PPP3CA: variants seen among roughly 807,000 people sequenced by gnomAD.
PPP3CA encodes the protein protein phosphatase 3 catalytic subunit alpha, also known as CAM-PRP catalytic subunit.
PPP3CA carries 14 observed loss-of-function variants against 66.5 expected under a neutral mutation model. That is an observed-to-expected ratio of 0.21 (90% CI 0.14 to 0.33). The LOEUF is 0.33. Ranked by LOEUF, PPP3CA falls within the 10% of genes least tolerant of loss-of-function variation. The probability of loss-of-function intolerance (pLI) is 1.00; values close to 1 mark genes in which losing one functional copy is unlikely to be tolerated. For synonymous variants in PPP3CA, 232 were observed against 226.2 expected, an observed-to-expected ratio of 1.03 and a Z score of -0.23; for missense variants, 317 against 639.5, an observed-to-expected ratio of 0.50 and a Z score of 5.44.
chr4:101,093,903 T>C lies in PPP3CA; in HGVS notation c.655A>G (p.Lys219Glu). 6.2e-7 allele frequency: 1 copy of C among 1,605,490 alleles called. No homozygotes were observed. The highest frequency in any genetic ancestry group is 8.5e-7 in the Non-Finnish European group (1 of 1,176,960). ...ATAGGTCCATATGCAGGTGGTTCTTTGAATCGGTCTAACTAAGAAAAATAG... is the reference window on the plus strand; with the variant it reads ...ATAGGTCCATATGCAGGTGGTTCTTCGAATCGGTCTAACTAAGAAAAATAG... ...LDDIRKLDRF[K>E]EPPAYGPMCD... The change falls in exon 6 of 14, where the codon AAA (lysine) becomes GAA (glutamate). Residue 219 changes from lysine to glutamate, a missense_variant. By Grantham distance (56) the Lys-to-Glu change is moderately conservative. Around this residue, in one of 3 missense-constraint regions of PPP3CA, gnomAD observed 201 missense variants for 501.4 expected, o/e 0.40. Transcript: ENST00000394854.
chr4:101,110,966 A>C (rs1246637825), intron 2 of PPP3CA, among the ~76,000 whole-genome samples: 1 of 152,156 alleles, frequency 6.6e-6, no homozygotes, highest in African/African-American at 2.4e-5. Context: ...ATATGAGCAT[A>C]ATAATTTTAA....
At chr4:101,197,651 T>TA (rs1295883348) in intron 1 of PPP3CA, among the ~76,000 whole-genome samples, 1 of 152,238 alleles carries the variant, frequency 6.6e-6, no homozygotes, top group Admixed American at 6.5e-5. Context: ...ATAGAGTATT[T>TA]ATTTTATGCC....
At chr4:101,106,500 G>GAAAAGAAAAGAAAAGA (rs199877919) in intron 3 of PPP3CA, among the ~76,000 whole-genome samples, 1 of 75,612 alleles carries the variant, frequency 1.3e-5, no homozygotes, top group East Asian at 4.6e-4. Context: ...GAAAAGAAAA[G>GAAAAGAAAAGAAAAGA]AAAGAAAGAA....
chr4:101,210,618 A>C (rs759059000), intron 1 of PPP3CA, among the ~76,000 whole-genome samples: 1 of 152,170 alleles, frequency 6.6e-6, no homozygotes, highest in Non-Finnish European at 1.5e-5. Context: ...CTATTCAAAT[A>C]GCACAACTTC....
At chr4:101,106,440 A>AG (rs1291766026) in intron 3 of PPP3CA, among the ~76,000 whole-genome samples, 1 of 13,498 alleles carries the variant, frequency 7.4e-5, no homozygotes, top group African/African-American at 2.9e-4. Context: ...AAAGAAAGAA[A>AG]GAAAGAAAGA....
chr4:101,271,055 T>C (rs1241389737), intron 1 of PPP3CA, among the ~76,000 whole-genome samples: 2 of 152,040 alleles, frequency 1.3e-5, no homozygotes, highest in African/African-American at 4.8e-5. Flanking sequence ...ACTTCATCTA[T>C]GTTCACCTCC....
chr4:101,212,128 C>T (rs750602741), intron 1 of PPP3CA, among the ~76,000 whole-genome samples: 13 of 152,144 alleles, frequency 8.5e-5, no homozygotes, highest in Non-Finnish European at 1.8e-4. Context: ...TGAATTCCCA[C>T]AGGATTTCTT....
chr4:101,304,903 G>A lies in PPP3CA; in HGVS notation c.58+41836C>T, dbSNP rs565376372. On this transcript the variant is annotated intron_variant, in intron 1 of 13. Coordinates refer to ENST00000394854, the MANE Select transcript of PPP3CA (RefSeq NM_000944.5). Reference sequence around the variant, plus strand: ...TATACGAGACTAACTAAACAGGCCAGTCAGTCTGGCCCAATTTAAGGAAAA... The same window carrying A: ...TATACGAGACTAACTAAACAGGCCAATCAGTCTGGCCCAATTTAAGGAAAA... Among the ~76,000 whole-genome samples the A allele has an allele frequency of 1.8e-3, 275 of 152,326 alleles. 1 individual carries two copies. Among genetic ancestry groups the A allele is most frequent in the African/African-American group, 6.4e-3 (266 of 41,584 alleles).
chr4:101,290,586 C>A (rs565505599), intron 1 of PPP3CA, among the ~76,000 whole-genome samples: 1 of 152,164 alleles, frequency 6.6e-6, no homozygotes, highest in Non-Finnish European at 1.5e-5. Context: ...GCGGATGGAG[C>A]AGCGATCAAA....
chr4:101,230,182 T>C (rs1189732215), intron 1 of PPP3CA, among the ~76,000 whole-genome samples: 2 of 151,654 alleles, frequency 1.3e-5, no homozygotes, highest in South Asian at 2.1e-4. Context: ...TTTAGAAGCA[T>C]TTAGTCATAC....
chr4:101,198,453 T>A (rs573980475), intron 1 of PPP3CA, among the ~76,000 whole-genome samples: 1 of 152,244 alleles, frequency 6.6e-6, no homozygotes, highest in African/African-American at 2.4e-5. Flanking sequence ...GCTGAATTTT[T>A]AAAAAATGAT....
chr4:101,085,613 A>T (rs768047541), intron 6 of PPP3CA, among the ~76,000 whole-genome samples: 1 of 152,208 alleles, frequency 6.6e-6, no homozygotes, highest in Non-Finnish European at 1.5e-5. Flanking sequence ...ATATGCCATC[A>T]TATACTCAGC....
At chr4:101,051,327 T>C (rs1311489877) in intron 10 of PPP3CA, among the ~76,000 whole-genome samples, 1 of 152,130 alleles carries the variant, frequency 6.6e-6, no homozygotes, top group African/African-American at 2.4e-5. Flanking sequence ...AGAGATAAGT[T>C]ACTCTAAAAA....
At chr4:101,132,459 A>G (rs1722476609) in intron 2 of PPP3CA, among the ~76,000 whole-genome samples, 1 of 152,230 alleles carries the variant, frequency 6.6e-6, no homozygotes, top group South Asian at 2.1e-4. Context: ...CCATCAGAGA[A>G]TACTATTAAC....
At chr4:101,169,742 T>A (rs542302688) in intron 2 of PPP3CA, among the ~76,000 whole-genome samples, 25 of 152,006 alleles carry the variant, frequency 1.6e-4, no homozygotes, top group Admixed American at 1.6e-3. Context: ...AATGCCTTTT[T>A]TTTTTTACTG....
At chr4:101,257,115 T>C (rs1215322422) in intron 1 of PPP3CA, among the ~76,000 whole-genome samples, 1 of 152,018 alleles carries the variant, frequency 6.6e-6, no homozygotes, top group African/African-American at 2.4e-5. Context: ...TTCCAAATCA[T>C]ACACTAAGCT....
chr4:101,236,962 A>G (rs1726151154), intron 1 of PPP3CA, among the ~76,000 whole-genome samples: 1 of 151,266 alleles, frequency 6.6e-6, no homozygotes, highest in Non-Finnish European at 1.5e-5. Flanking sequence ...TTTATCTCAT[A>G]GAGATATTAT....
At chr4:101,330,512 T>C (rs1729350026) in intron 1 of PPP3CA, 2 of 490,412 alleles carry the variant, frequency 4.1e-6, no homozygotes, top group African/African-American at 4.0e-5. Flanking sequence ...AAGTGAAGTA[T>C]GTACATTGCT....
chr4:101,062,050 A>C (rs1441720167), intron 9 of PPP3CA, among the ~76,000 whole-genome samples: 2 of 152,056 alleles, frequency 1.3e-5, no homozygotes, highest in African/African-American at 4.8e-5. Flanking sequence ...TCAAAACTGG[A>C]TTTTGTGTAC....
Sources: gnomAD v4.1 joint callset for allele counts (sites outside exome capture counted in the v4.1 genomes callset) on GRCh38, gnomAD v4.1.1 for gene constraint, gnomAD v4.1.1 regional missense constraint, MANE v1.5 for transcripts, NCBI Gene and HGNC (gene_info 2026-07-23, HGNC 2026-07-21) for gene names.